The following NRXN1 variants were observed in gnomAD, a reference collection of about 807,000 sequenced individuals.
The protein encoded by NRXN1 is neurexin-1.
Under a neutral mutation model 150.9 loss-of-function variants are expected in NRXN1, and 39 were observed. The observed-to-expected ratio is 0.26, with a 90% CI of 0.20 to 0.34. The LOEUF (loss-of-function observed/expected upper bound fraction) is 0.34. Ranked by LOEUF, NRXN1 falls within the 10% of genes least tolerant of loss-of-function variation. The pLI is 1.00. For missense variants in NRXN1, 1,815 were observed against 1,949.9 expected (o/e 0.93, Z 1.30); for synonymous variants, 924 against 757.0 (o/e 1.22, Z -3.62).
rs539836144 is a variant in NRXN1, at chr2:50,554,974, A to G, written c.1321-1949T>C. ...CTTAAGAATACTTTTTTGAAAAGAG[A>G]AAGATCTATTAAGTCTTAGAAAAAT... On this transcript the variant is annotated intron_variant, in intron 8 of 22. Coordinates refer to ENST00000401669, the MANE Select transcript of NRXN1 (RefSeq NM_001330078.2). Among the ~76,000 whole-genome samples the G allele has an allele frequency of 5.3e-5, 8 of 152,304 alleles. No homozygotes were observed. In the East Asian group the frequency reaches 1.5e-3, roughly 29 times the overall value.
chr2:50,620,531 C>T (rs533368493), intron 7 of NRXN1, among the ~76,000 whole-genome samples: 2 of 152,248 alleles, frequency 1.3e-5, no homozygotes, highest in East Asian at 1.9e-4. Flanking sequence ...GTTAGTTTTG[C>T]TGGTGTACAT....
At chr2:50,836,541 G>C (rs770195142) in intron 5 of NRXN1, among the ~76,000 whole-genome samples, 1 of 151,964 alleles carries the variant, frequency 6.6e-6, no homozygotes, top group Non-Finnish European at 1.5e-5. Context: ...ACCTTTTTTA[G>C]ATTCCACCCG....
chr2:51,016,746 A>T (rs774791416), intron 2 of NRXN1, among the ~76,000 whole-genome samples: 11 of 152,142 alleles, frequency 7.2e-5, no homozygotes, highest in Non-Finnish European at 1.6e-4. Context: ...CAGCAATCTC[A>T]TTACTGGGTA....
chr2:50,237,030 G>T (rs984746477), intron 17 of NRXN1, 60 bp from the exon 18 acceptor site: 28 of 1,504,704 alleles, frequency 1.9e-5, no homozygotes, highest in African/African-American at 4.1e-5. Flanking sequence ...CATTAGCAAG[G>T]CATGTTATAT....
intron 5 of NRXN1, among the ~76,000 whole-genome samples, chr2:50,920,580 A>AT (rs1685874266): frequency 6.6e-6 from 1 of 151,782 alleles, no homozygotes; most frequent in Non-Finnish European, 1.5e-5. Flanking sequence ...TCTTCCCTCT[A>AT]TGCCATCCCT....
rs546762898 is a variant in NRXN1 at position 51,018,251 on chromosome 2, T to A, written c.772+9251A>T. Among the ~76,000 whole-genome samples the A allele has an allele frequency of 3.3e-5, 5 of 152,228 alleles. No individual in the cohort carries two copies. The South Asian group carries it at 1.0e-3, about 32-fold the overall frequency. On this transcript the variant is annotated intron_variant, in intron 2 of 22. Transcript: ENST00000401669. ...TGAAGCAACTGTTCGTCTTGGCAGC[T>A]CCGCTTTTAACTTTTGGATTGCCAG...
intron 15 of NRXN1, among the ~76,000 whole-genome samples, chr2:50,480,198 C>T (rs946340804): frequency 6.6e-5 from 10 of 152,128 alleles, no homozygotes; most frequent in African/African-American, 2.4e-4. Flanking sequence ...CCAGTTTTAA[C>T]TGACACATAC....
chr2:50,828,299 G>A (rs1390862326), intron 5 of NRXN1, among the ~76,000 whole-genome samples: 5 of 51,722 alleles, frequency 9.7e-5, no homozygotes, highest in South Asian at 9.2e-4. Context: ...CCTCCCGGAC[G>A]GGGCGGCTGG....
chr2:49,931,666 C>G (rs2104199781), intron 22 of NRXN1, among the ~76,000 whole-genome samples: 1 of 152,014 alleles, frequency 6.6e-6, no homozygotes, highest in South Asian at 2.1e-4. Context: ...TTGAGAAAAT[C>G]AGTTTCAAAA....
chr2:50,424,283 G>GAA (rs2084285939), intron 17 of NRXN1, among the ~76,000 whole-genome samples: 1 of 101,830 alleles, frequency 9.8e-6, no homozygotes. Flanking sequence ...GAAGGGGAGG[G>GAA]GGAGGAAGAA....
chr2:50,237,355 G>T (rs1176063032), intron 17 of NRXN1, among the ~76,000 whole-genome samples: 2 of 152,024 alleles, frequency 1.3e-5, no homozygotes, highest in Non-Finnish European at 2.9e-5. Context: ...CATCAACTTG[G>T]TATTGAAATA....
intron 5 of NRXN1, among the ~76,000 whole-genome samples, chr2:50,756,092 C>A (rs1701130593): frequency 1.3e-5 from 2 of 151,722 alleles, no homozygotes; most frequent in African/African-American, 2.4e-5. Flanking sequence ...GGTGGATTAT[C>A]CACATACAAT....
chr2:50,032,422 T>C (rs1383083076), intron 21 of NRXN1, among the ~76,000 whole-genome samples: 2 of 151,948 alleles, frequency 1.3e-5, no homozygotes, highest in African/African-American at 4.8e-5. Flanking sequence ...AAGTAGAAAA[T>C]AGTGCCATGA....
intron 8 of NRXN1, among the ~76,000 whole-genome samples, chr2:50,569,862 T>C (rs1167164115): frequency 1.3e-5 from 2 of 152,140 alleles, no homozygotes; most frequent in East Asian, 1.9e-4. Context: ...ATATAAAACA[T>C]TTTAGCTCTC....
At chr2:50,033,592 A>G (rs904466465) in intron 21 of NRXN1, among the ~76,000 whole-genome samples, 1 of 152,160 alleles carries the variant, frequency 6.6e-6, no homozygotes, top group African/African-American at 2.4e-5. Context: ...TAAAGACACC[A>G]AAAGCAATTG....
At chr2:50,980,611 T>C (rs991588942) in intron 2 of NRXN1, among the ~76,000 whole-genome samples, 3 of 152,116 alleles carry the variant, frequency 2.0e-5, no homozygotes, top group African/African-American at 2.4e-5. Context: ...TAGTTTCTAT[T>C]ATGAAGCAAA....
In NRXN1 at chr2:50,053,585, G is replaced by T; in HGVS notation, c.3814C>A (p.Gln1272Lys). The T allele has an allele frequency of 6.2e-7, 1 of 1,613,852 alleles. No individual in the cohort carries two copies. Among genetic ancestry groups the T allele is most frequent in the Non-Finnish European group, 8.5e-7 (1 of 1,179,856 alleles). ...GCTTGGCTATTGAAGATTGTGAGCT[G>T]ACGCCCTGTAAAAATAATATTACAT... is the stretch of plus-strand genomic sequence containing the variant. The part of the protein sequence containing the change: ...VDEWLLDKGR[Q>K]LTIFNSQATI... The change falls in exon 21 of 23, where the codon CAG becomes AAG. Residue 1272 changes from glutamine (Q) to lysine (K), a missense_variant. Around this residue, in one of 6 missense-constraint regions of NRXN1, gnomAD observed 265 missense variants for 307.1 expected, o/e 0.86. Coordinates refer to ENST00000401669, the MANE Select transcript of NRXN1 (RefSeq NM_001330078.2).
rs143587274 is a variant in NRXN1 at position 50,621,166 on chromosome 2, G to A, written c.1158+60C>T. On this transcript the variant is annotated intron_variant, in intron 7 of 22. Transcript: ENST00000401669. ...GTTAAAAGAAAGAAAGAAAACACAC[G>A]GCAAACCCAAAATAAGAAACAATTA... The A allele has an allele frequency of 1.0e-4, 148 of 1,466,578 alleles. No individual in the cohort carries two copies. The African/African-American group carries it at 1.7e-3, about 17-fold the overall frequency. 90.8% of individuals were successfully genotyped at this position (1,466,578 alleles called of 1,614,324 possible).
chr2:50,010,074 G>A (rs938968037), intron 21 of NRXN1, among the ~76,000 whole-genome samples: 1 of 151,596 alleles, frequency 6.6e-6, no homozygotes, highest in Admixed American at 6.6e-5. Flanking sequence ...GTTTTCTTCT[G>A]TCTTGAAAAA....
Sources: allele counts gnomAD v4.1 joint callset (sites outside exome capture counted in the v4.1 genomes callset), GRCh38; gene constraint gnomAD v4.1.1; regional missense constraint gnomAD v4.1.1; transcripts MANE v1.5; gene names NCBI Gene and HGNC (gene_info 2026-07-23, HGNC 2026-07-21).